GRM8: variants seen among roughly 807,000 people sequenced by gnomAD.
GRM8 encodes metabotropic glutamate receptor 8.
A neutral mutation model predicts 87.2 loss-of-function variants in GRM8; 47 were observed. The observed-to-expected ratio is 0.54, with a 90% CI of 0.43 to 0.69. The LOEUF is 0.69. Ranked by LOEUF, GRM8 falls within the 30% of genes least tolerant of loss-of-function variation. The pLI is 0.00. For missense variants in GRM8, 1,019 were observed against 1,139.2 expected (o/e 0.89, Z 1.52); for synonymous variants, 396 against 404.5 (o/e 0.98, Z 0.25).
chr7:126,599,847 T>C (rs531491273), intron 8 of GRM8, among the ~76,000 whole-genome samples: 82 of 152,272 alleles, frequency 5.4e-4, no homozygotes, highest in Admixed American at 8.5e-4. Flanking sequence ...ATAGTCCTGT[T>C]ACTTCATGGA....
At chr7:126,621,310 C>T (rs1451823189) in intron 7 of GRM8, among the ~76,000 whole-genome samples, 2 of 152,238 alleles carry the variant, frequency 1.3e-5, no homozygotes, top group Admixed American at 6.5e-5. Context: ...TCTCCTCCAA[C>T]CACATTTCTG....
At chr7:126,508,246 C>T (rs946276192) in intron 9 of GRM8, among the ~76,000 whole-genome samples, 1 of 77,006 alleles carries the variant, frequency 1.3e-5, no homozygotes, top group African/African-American at 5.5e-5. Flanking sequence ...AACACACACA[C>T]ACTGGCACAC....
intron 6 of GRM8, among the ~76,000 whole-genome samples, chr7:126,852,099 C>T (rs1269524546): frequency 6.6e-6 from 1 of 152,122 alleles, no homozygotes; most frequent in East Asian, 1.9e-4. Context: ...GATGCTGTTT[C>T]TGGTTCCGAT....
chr7:127,203,234 G>A (rs1795708886), intron 2 of GRM8, among the ~76,000 whole-genome samples: 1 of 152,140 alleles, frequency 6.6e-6, no homozygotes, highest in East Asian at 1.9e-4. Context: ...GGTTTTGATG[G>A]GGTACACATG....
chr7:126,593,488 T>C (rs1478746568), intron 8 of GRM8, among the ~76,000 whole-genome samples: 1 of 151,886 alleles, frequency 6.6e-6, no homozygotes, highest in African/African-American at 2.4e-5. Flanking sequence ...ACCAAGAACA[T>C]ACAATGGGGA....
intron 2 of GRM8, among the ~76,000 whole-genome samples, chr7:127,115,304 A>G (rs1826636051): frequency 6.6e-6 from 1 of 152,180 alleles, no homozygotes; most frequent in Non-Finnish European, 1.5e-5. Flanking sequence ...TGCTCACTGG[A>G]CATGTGAACT....
intron 6 of GRM8, among the ~76,000 whole-genome samples, chr7:126,879,387 C>T (rs978737735): frequency 6.6e-6 from 1 of 152,040 alleles, no homozygotes; most frequent in Non-Finnish European, 1.5e-5. Flanking sequence ...AGCAATTTAG[C>T]TATGAATATG....
At chr7:127,220,775 C>T (rs1010151127) in intron 2 of GRM8, among the ~76,000 whole-genome samples, 8 of 152,182 alleles carry the variant, frequency 5.3e-5, no homozygotes, top group Non-Finnish European at 7.3e-5. Flanking sequence ...AGGTGTCAGC[C>T]ACTGTGCCCC....
chr7:126,685,862 C>T lies in GRM8; in HGVS notation c.1358-76364G>A, dbSNP rs1279408220. 2.0e-5 allele frequency among the ~76,000 whole-genome samples: 3 copies of T among 151,836 alleles called. No homozygotes were observed. The highest frequency in any genetic ancestry group is 4.4e-5 in the Non-Finnish European group (3 of 67,926). On this transcript the variant is annotated intron_variant, in intron 7 of 10. Transcript: ENST00000339582. This position sits in a 1 kb window ranked among gnomAD's most constrained non-coding sequence, Gnocchi z 4.2. ...GCCCTACCTTCAAGCTGAGGAGGGC[C>T]TGAACCCTGGGGGCTGGGAGCCATT...
At chr7:127,073,428 AC>A (rs949766775) in intron 3 of GRM8, among the ~76,000 whole-genome samples, 3 of 152,178 alleles carry the variant, frequency 2.0e-5, no homozygotes, top group African/African-American at 7.2e-5. Flanking sequence ...GAAGACAGAT[AC>A]TTTTAGAGGG....
intron 2 of GRM8, among the ~76,000 whole-genome samples, chr7:127,133,499 G>A (rs1827795175): frequency 6.6e-6 from 1 of 151,532 alleles, no homozygotes. Flanking sequence ...ATCACGAGGA[G>A]ATCGAGACCA....
At chr7:126,984,114 C>CTCTATGGAATAGCAT (rs1249651308) in intron 3 of GRM8, among the ~76,000 whole-genome samples, 3 of 152,182 alleles carry the variant, frequency 2.0e-5, no homozygotes, top group African/African-American at 7.2e-5. Flanking sequence ...GTATTGTTAA[C>CTCTATGGAATAGCAT]TCTATGGAAT....
At chr7:127,231,281 G>A (rs1797672414) in intron 2 of GRM8, among the ~76,000 whole-genome samples, 1 of 152,116 alleles carries the variant, frequency 6.6e-6, no homozygotes, top group Admixed American at 6.5e-5. Flanking sequence ...ACTGGGTTTA[G>A]AAGCTATACC....
intron 3 of GRM8, among the ~76,000 whole-genome samples, chr7:127,047,710 A>G (rs921146949): frequency 1.3e-5 from 2 of 152,182 alleles, no homozygotes; most frequent in Non-Finnish European, 2.9e-5. Context: ...TCATACCTAT[A>G]GTGCCAGCTA....
At chr7:126,525,946 G>T (rs1436002258) in intron 9 of GRM8, among the ~76,000 whole-genome samples, 1 of 151,838 alleles carries the variant, frequency 6.6e-6, no homozygotes, top group African/African-American at 2.4e-5. Flanking sequence ...ATTTTAGATA[G>T]CCCGGAATAT....
intron 3 of GRM8, among the ~76,000 whole-genome samples, chr7:127,018,360 G>A (rs904692502): frequency 6.7e-6 from 1 of 148,762 alleles, no homozygotes; most frequent in Non-Finnish European, 1.5e-5. Flanking sequence ...AGGAAGAGAA[G>A]AGGAAAACAC....
At chr7:126,775,491 T>G (rs959910849) in intron 6 of GRM8, among the ~76,000 whole-genome samples, 2 of 149,212 alleles carry the variant, frequency 1.3e-5, no homozygotes, top group Non-Finnish European at 3.0e-5. Context: ...TTTTTTTTTT[T>G]TTTTTTTTTT....
At chr7:126,822,584 G>T (rs1462190141) in intron 6 of GRM8, among the ~76,000 whole-genome samples, 1 of 150,126 alleles carries the variant, frequency 6.7e-6, no homozygotes, top group African/African-American at 2.5e-5. Flanking sequence ...TTAGAGATGG[G>T]ATCTCACTAT....
intron 9 of GRM8, among the ~76,000 whole-genome samples, chr7:126,507,553 C>T (rs1453900504): frequency 6.6e-6 from 1 of 152,020 alleles, no homozygotes; most frequent in Non-Finnish European, 1.5e-5. Flanking sequence ...GTGAATTTAT[C>T]CATATTGCCA....
Sources: allele counts gnomAD v4.1 joint callset (sites outside exome capture counted in the v4.1 genomes callset), GRCh38; gene constraint gnomAD v4.1.1; non-coding constraint Gnocchi (gnomAD v3.1); transcripts MANE v1.5; gene names NCBI Gene and HGNC (gene_info 2026-07-23, HGNC 2026-07-21).